Variants in LARGE1 observed in about 807,000 individuals in gnomAD.
LARGE1 encodes the protein xylosyl- and glucuronyltransferase LARGE1.
Under a neutral mutation model 87.6 loss-of-function variants are expected in LARGE1, and 43 were observed. That is an observed-to-expected ratio of 0.49 (90% confidence interval 0.38 to 0.63). LARGE1 has a LOEUF of 0.63. LARGE1 is among the 30% of genes least tolerant of loss of function. The pLI, the probability that LARGE1 is intolerant of heterozygous loss-of-function variation, is 0.00. For synonymous variants in LARGE1, 434 were observed against 394.6 expected, an observed-to-expected ratio of 1.10 and a Z score of -1.18; for missense variants, 802 against 1,000.2, an observed-to-expected ratio of 0.80 and a Z score of 2.67.
At chr22:33,502,577 CT>C (rs113468660) in intron 6 of LARGE1, among the ~76,000 whole-genome samples, 8,648 of 151,080 alleles carry the variant, frequency 0.057, 702 homozygotes, top group African/African-American at 0.18. Flanking sequence ...CTGCCACGTG[CT>C]TTTTTTTTGA....
chr22:33,832,385 GGA>G, intron 1 of LARGE1, among the ~76,000 whole-genome samples: 1 of 152,262 alleles, frequency 6.6e-6, no homozygotes, highest in Admixed American at 6.5e-5. Context: ...GAACTGAGAG[GGA>G]ATGGAGGTAC....
chr22:33,342,460 T>C (rs1374427058), intron 9 of LARGE1, among the ~76,000 whole-genome samples: 2 of 152,202 alleles, frequency 1.3e-5, no homozygotes, highest in African/African-American at 4.8e-5. Flanking sequence ...GGTATGTGAC[T>C]TGCCTGTATC....
At chr22:33,300,876 A>G (rs1486146073) in intron 12 of LARGE1, among the ~76,000 whole-genome samples, 1 of 152,028 alleles carries the variant, frequency 6.6e-6, no homozygotes, top group Non-Finnish European at 1.5e-5. Context: ...GGGTCTCACT[A>G]TATTGCTCAG....
At chr22:33,610,703 C>G (rs1042706203) in intron 4 of LARGE1, among the ~76,000 whole-genome samples, 2 of 152,086 alleles carry the variant, frequency 1.3e-5, no homozygotes, top group Non-Finnish European at 2.9e-5. Flanking sequence ...AAAAAGGGGC[C>G]AGGTACGACA....
chr22:33,130,184 G>A, the LARGE1 span, among the ~76,000 whole-genome samples: 1 of 151,228 alleles, frequency 6.6e-6, no homozygotes, highest in South Asian at 2.1e-4. Flanking sequence ...CGTGGTGGTG[G>A]GCGCCTGTAG....
intron 12 of LARGE1, among the ~76,000 whole-genome samples, chr22:33,302,310 G>A (rs1348215761): frequency 6.6e-6 from 1 of 152,222 alleles, no homozygotes; most frequent in Non-Finnish European, 1.5e-5. Context: ...GTCAGGGGTT[G>A]AGGCTCATGG....
At chr22:33,636,579 G>A (rs2080274181) in intron 3 of LARGE1, among the ~76,000 whole-genome samples, 1 of 152,206 alleles carries the variant, frequency 6.6e-6, no homozygotes, top group South Asian at 2.1e-4. Flanking sequence ...CCAGGCTGGA[G>A]TGCAGTGGCA....
At chr22:33,507,959 T>A (rs1053224794) in intron 6 of LARGE1, among the ~76,000 whole-genome samples, 1 of 152,184 alleles carries the variant, frequency 6.6e-6, no homozygotes, top group Admixed American at 6.5e-5. Flanking sequence ...AATTCCTACC[T>A]CCTCCTTGCG....
At chr22:33,672,490 T>C (rs1164536076) in intron 2 of LARGE1, among the ~76,000 whole-genome samples, 1 of 152,200 alleles carries the variant, frequency 6.6e-6, no homozygotes, top group African/African-American at 2.4e-5. Flanking sequence ...AGCCCTGCTC[T>C]CCTGTTCTTC....
intron 2 of LARGE1, among the ~76,000 whole-genome samples, chr22:33,730,222 T>C (rs2083417320): frequency 6.6e-6 from 1 of 152,202 alleles, no homozygotes; most frequent in African/African-American, 2.4e-5. Flanking sequence ...ACATAGTAAA[T>C]ATATTTTCCT....
At chr22:33,394,430 C>T (rs975260551) in intron 7 of LARGE1, among the ~76,000 whole-genome samples, 1 of 152,142 alleles carries the variant, frequency 6.6e-6, no homozygotes, top group Non-Finnish European at 1.5e-5. Flanking sequence ...GAACTCCTGA[C>T]CTCGTAATCC....
chr22:33,419,667 T>TC (rs2066623385), intron 7 of LARGE1, among the ~76,000 whole-genome samples: 4 of 116,414 alleles, frequency 3.4e-5, no homozygotes, highest in African/African-American at 1.2e-4. Flanking sequence ...GATGAATCTT[T>TC]GTTTTTGTTG....
chr22:33,181,735 G>A (rs557889281), intron 11 of LARGE1, among the ~76,000 whole-genome samples: 4 of 151,184 alleles, frequency 2.6e-5, no homozygotes, highest in African/African-American at 4.9e-5. Context: ...TCACCGTGTT[G>A]GCCAGGATGG....
intron 6 of LARGE1, among the ~76,000 whole-genome samples, chr22:33,534,608 G>A (rs979249042): frequency 1.3e-5 from 2 of 152,180 alleles, no homozygotes; most frequent in African/African-American, 4.8e-5. Flanking sequence ...CAATCCTAGG[G>A]CTGGGGTAAC....
At chr22:33,494,936 C>T (rs1380987058) in intron 6 of LARGE1, among the ~76,000 whole-genome samples, 1 of 152,204 alleles carries the variant, frequency 6.6e-6, no homozygotes. Flanking sequence ...TGCCTCTATG[C>T]AGATAACTGC....
the LARGE1 span, among the ~76,000 whole-genome samples, chr22:33,082,135 T>C: frequency 1.3e-5 from 2 of 152,142 alleles, no homozygotes; most frequent in Non-Finnish European, 2.9e-5. Context: ...TCCTTTTCAC[T>C]GGCTCTAGTT....
chr22:33,257,434 C>G (rs1330865840), intron 11 of LARGE1, among the ~76,000 whole-genome samples: 1 of 123,730 alleles, frequency 8.1e-6, no homozygotes, highest in Non-Finnish European at 1.6e-5. Context: ...AAAACAAAAA[C>G]AAAAACAAAA....
At chr22:33,887,806 A>T (rs1378071269) in intron 1 of LARGE1, among the ~76,000 whole-genome samples, 1 of 152,204 alleles carries the variant, frequency 6.6e-6, no homozygotes, top group Non-Finnish European at 1.5e-5. Flanking sequence ...GACTAGGACA[A>T]GGTTCTCATG....
chr22:33,663,509 A>G (rs9621749), intron 2 of LARGE1, among the ~76,000 whole-genome samples: 1 of 152,130 alleles, frequency 6.6e-6, no homozygotes. Context: ...GGTGCAGAGG[A>G]CCAAGGGGAA....
Sources: gnomAD v4.1 joint callset for allele counts (sites outside exome capture counted in the v4.1 genomes callset) on GRCh38, gnomAD v4.1.1 for gene constraint, MANE v1.5 for transcripts, NCBI Gene and HGNC (gene_info 2026-07-23, HGNC 2026-07-21) for gene names.